The following TOP1MT variants were observed in gnomAD, a reference collection of about 807,000 sequenced individuals.
TOP1MT encodes the protein DNA topoisomerase I, mitochondrial.
Under a neutral mutation model 73.9 loss-of-function variants are expected in TOP1MT, and 80 were observed. The ratio of observed to expected loss-of-function variants is 1.08; its 90% CI spans 0.90 to 1.30. The LOEUF is 1.30. Ranked by LOEUF, TOP1MT falls within the 50% of genes most tolerant of loss-of-function variation. TOP1MT has a pLI of 0.00. For synonymous variants in TOP1MT, 338 were observed against 326.4 expected (o/e 1.04, Z -0.38); for missense variants, 815 against 808.0 (o/e 1.01, Z -0.10).
chr8:143,329,560 T>C, intron 2 of TOP1MT, 89 bp from the exon 3 acceptor site: 1 of 1,466,628 alleles, frequency 6.8e-7, no homozygotes, highest in East Asian at 2.4e-5. Context: ...AACTACGCTT[T>C]CGTGCGTACT....
At chr8:143,348,420 C>T (rs74443225), upstream of TOP1MT, among the ~76,000 whole-genome samples, 3,266 of 152,294 alleles carry the variant, frequency 0.021, 127 homozygotes, top group African/African-American at 0.075. The surrounding 1 kb of genome is among the most constrained non-coding windows in gnomAD (Gnocchi z 4.6). Context: ...CCATGTGACC[C>T]TGTGGCCCTT....
At chr8:143,347,003 A>ATTTT (rs1817234300), upstream of TOP1MT, among the ~76,000 whole-genome samples, 1 of 124,190 alleles carries the variant, frequency 8.1e-6, no homozygotes, top group Non-Finnish European at 1.8e-5. Flanking sequence ...ATTTATTTTG[A>ATTTT]GAGATGGAGT....
chr8:143,321,386 G>C lies in TOP1MT; in HGVS notation c.961C>G (p.Leu321Val). Reference protein sequence around the residue: ...RAVALYFIDKLALRAGNEKED... With the variant: ...RAVALYFIDKVALRAGNEKED... The stretch of plus-strand genomic sequence containing the variant: ...TTCTCATTTCCTGCTCTCAGTGCCA[G>C]CTAGTTGGTGGGGAATGGTCAAAGT... The change falls in exon 8 of 14, where the codon CTG (leucine) becomes GTG (valine). Residue 321 changes from leucine (L) to valine (V), a missense_variant and splice_region_variant. Leu to Val is a conservative substitution (Grantham distance 32). This residue lies in a region of TOP1MT where 751 missense variants were observed against 725.4 expected (regional missense o/e 1.04). Transcript: ENST00000329245. 6.3e-7 allele frequency: 1 copy of C among 1,578,786 alleles called. No homozygotes were observed. Among genetic ancestry groups the C allele is most frequent in the South Asian group, 1.1e-5 (1 of 88,156 alleles).
At chr8:143,325,857 G>A (rs1183081591) in intron 4 of TOP1MT, among the ~76,000 whole-genome samples, 1 of 152,208 alleles carries the variant, frequency 6.6e-6, no homozygotes, top group Non-Finnish European at 1.5e-5. Context: ...GGGAATCCCT[G>A]AGAAGGCCAC....
chr8:143,337,142 A>G (rs553909744), upstream of TOP1MT, among the ~76,000 whole-genome samples: 27 of 152,292 alleles, frequency 1.8e-4, no homozygotes, highest in Non-Finnish European at 2.6e-4. Context: ...TTAAGACAGC[A>G]TTGGCCAGGT....
chr8:143,331,210 C>T lies in TOP1MT; in HGVS notation c.238+14G>A, dbSNP rs565728412. ...AAGCGCAGGCTGGGGAGGAGCCGCT[C>T]CCTGCATCCTTACCTTCATAGAAGA... On this transcript the variant is annotated intron_variant, in intron 2 of 13. Coordinates refer to ENST00000329245, the MANE Select transcript of TOP1MT (RefSeq NM_052963.3). 144 of 1,587,512 alleles carry T rather than the reference C, an allele frequency of 9.1e-5. 1 individual carries two copies. In the South Asian group the frequency reaches 1.3e-3, roughly 15 times the overall value.
chr8:143,339,360 C>T (rs1359048775), upstream of TOP1MT, among the ~76,000 whole-genome samples: 6 of 152,236 alleles, frequency 3.9e-5, no homozygotes, highest in Non-Finnish European at 5.9e-5. Context: ...CTGCGCAGCT[C>T]GTGGCTGCGT....
rs1448024344 is a variant in TOP1MT at position 143,331,302 on chromosome 8, TCCA to T, written c.157_159del (p.Trp53del). ...TACGGGCCCTTGTGCTCCAGCTGTC[TCCA>T]CTTCACCCCGTCTTCGTGCTTCTCC... On this transcript the variant is annotated inframe_deletion, in exon 2 of 14. Transcript: ENST00000329245. 6.2e-7 allele frequency: 1 copy of T among 1,612,868 alleles called. No individual in the cohort carries two copies. Among genetic ancestry groups the T allele is most frequent in the Non-Finnish European group, 8.5e-7 (1 of 1,179,078 alleles).
At chr8:143,346,711 A>T (rs1360298524), upstream of TOP1MT, among the ~76,000 whole-genome samples, 1 of 152,136 alleles carries the variant, frequency 6.6e-6, no homozygotes, top group Non-Finnish European at 1.5e-5. Context: ...AAAGAACACA[A>T]ATTTATCTGG....
chr8:143,321,163 T>C, intron 8 of TOP1MT, 38 bp downstream of exon 8: 1 of 1,523,136 alleles, frequency 6.6e-7, no homozygotes. Flanking sequence ...AGCAAATACG[T>C]GTCACATAGC....
intron 1 of TOP1MT, among the ~76,000 whole-genome samples, chr8:143,353,686 A>T (rs1817357173): frequency 6.6e-6 from 1 of 152,136 alleles, no homozygotes; most frequent in Non-Finnish European, 1.5e-5. Flanking sequence ...ATGCTGCTTT[A>T]AATAAGTTTA....
At chr8:143,311,747 CAAAA>C (rs34398519) in intron 12 of TOP1MT, among the ~76,000 whole-genome samples, 29 of 134,534 alleles carry the variant, frequency 2.2e-4, no homozygotes, top group Admixed American at 3.7e-4. Flanking sequence ...GACTCTGTGT[CAAAA>C]AAAAAAAAAA....
At chr8:143,342,792 T>C (rs1817149347) in intron 2 of TOP1MT, among the ~76,000 whole-genome samples, 2 of 148,842 alleles carry the variant, frequency 1.3e-5, no homozygotes, top group South Asian at 4.2e-4. Flanking sequence ...TTATTATTAT[T>C]ATTATTATTA....
At chr8:143,348,028 C>A (rs1817258184), upstream of TOP1MT, among the ~76,000 whole-genome samples, 1 of 152,114 alleles carries the variant, frequency 6.6e-6, no homozygotes, top group Admixed American at 6.5e-5. This position sits in a 1 kb window ranked among gnomAD's most constrained non-coding sequence, Gnocchi z 4.6. Flanking sequence ...CCCACAGCAG[C>A]CTTGCAAGCC....
At chr8:143,354,270 A>G (rs76567506) in intron 1 of TOP1MT, among the ~76,000 whole-genome samples, 1 of 152,176 alleles carries the variant, frequency 6.6e-6, no homozygotes, top group East Asian at 1.9e-4. Context: ...TGGATCTTGA[A>G]AACACCTGAC....
intron 3 of TOP1MT, 132 bp downstream of exon 3, chr8:143,329,218 G>T: frequency 9.8e-7 from 1 of 1,020,282 alleles, no homozygotes; most frequent in Non-Finnish European, 1.4e-6. Context: ...AAAGAGCCAT[G>T]ACGGCACCTG....
chr8:143,333,642 A>G (rs1181888089), intron 1 of TOP1MT, among the ~76,000 whole-genome samples: 1 of 152,202 alleles, frequency 6.6e-6, no homozygotes, highest in Non-Finnish European at 1.5e-5. Context: ...TGAGGGCTGC[A>G]CATTGTAGTG....
upstream of TOP1MT, among the ~76,000 whole-genome samples, chr8:143,345,219 CGAG>C (rs1335938740): frequency 2.0e-5 from 3 of 152,192 alleles, no homozygotes; most frequent in Admixed American, 6.5e-5. Flanking sequence ...CAGTCCTTCC[CGAG>C]GAGCTTACCC....
chr8:143,310,255 G>A, intron 12 of TOP1MT, 38 bp from the exon 13 acceptor site: 1 of 1,447,082 alleles, frequency 6.9e-7, no homozygotes, highest in South Asian at 1.4e-5. Context: ...CCCCGCGCTG[G>A]ACTAGCGCCA....
Sources: allele counts gnomAD v4.1 joint callset (sites outside exome capture counted in the v4.1 genomes callset), GRCh38; gene constraint gnomAD v4.1.1; regional missense constraint gnomAD v4.1.1; non-coding constraint Gnocchi (gnomAD v3.1); transcripts MANE v1.5; gene names NCBI Gene and HGNC (gene_info 2026-07-23, HGNC 2026-07-21).